Variants in HECW2 observed in about 807,000 individuals in gnomAD.
The protein encoded by HECW2 is E3 ubiquitin-protein ligase HECW2.
Under a neutral mutation model 175.2 loss-of-function variants are expected in HECW2, and 61 were observed. The observed-to-expected ratio is 0.35, with a 90% CI of 0.28 to 0.43. The LOEUF is 0.43. HECW2 is among the 20% of genes least tolerant of loss of function. The pLI is 1.00. For missense variants in HECW2, 1,524 were observed against 2,000.5 expected, an observed-to-expected ratio of 0.76 and a Z score of 4.54; for synonymous variants, 671 against 731.0, an observed-to-expected ratio of 0.92 and a Z score of 1.32.
At position 196,195,091 on chromosome 2, in the gene HECW2, TACTTATG is replaced by T. The variant is rs1686643044; in HGVS notation, c.*6179_*6185del. 6.6e-6 allele frequency: 1 copy of T among 152,244 alleles called. No homozygotes were observed. 9.4% of individuals were successfully genotyped at this position (152,244 alleles called of 1,614,324 possible). On this transcript the variant is annotated 3_prime_UTR_variant, in exon 29 of 29. Coordinates refer to ENST00000644978, the MANE Select transcript of HECW2 (RefSeq NM_001348768.2). ...CCAACATATTAACAGCCCCAAATTTTACTTATGCTATCATATAAAGAAAAATAGGTTG... is the reference window on the plus strand; with the variant it reads ...CCAACATATTAACAGCCCCAAATTTTCTATCATATAAAGAAAAATAGGTTG...
chr2:196,507,079 T>C (rs77868574), intron 1 of HECW2, among the ~76,000 whole-genome samples: 3,875 of 152,272 alleles, frequency 0.025, 92 homozygotes, highest in Non-Finnish European at 0.036. Flanking sequence ...TGGCTCAACA[T>C]TGGAAAATCT....
At chr2:196,306,702 C>T (rs1691278996) in intron 12 of HECW2, 90 bp from the exon 13 acceptor site, 1 of 1,261,946 alleles carries the variant, frequency 7.9e-7, no homozygotes. Flanking sequence ...TCAAAAGAAT[C>T]ATAGGATACC....
At chr2:196,366,650 A>G (rs927665525) in intron 2 of HECW2, among the ~76,000 whole-genome samples, 1 of 152,136 alleles carries the variant, frequency 6.6e-6, no homozygotes, top group African/African-American at 2.4e-5. Flanking sequence ...AGGATGTAGT[A>G]TTTTTCCTCA....
At chr2:196,429,241 G>GC (rs1157299644) in intron 2 of HECW2, among the ~76,000 whole-genome samples, 2 of 81,684 alleles carry the variant, frequency 2.4e-5, no homozygotes, top group Non-Finnish European at 5.2e-5. Flanking sequence ...TCCTGAGCCT[G>GC]GGGGGGGCCT....
chr2:196,232,672 T>C (rs1278100836), intron 21 of HECW2, among the ~76,000 whole-genome samples: 1 of 152,228 alleles, frequency 6.6e-6, no homozygotes, highest in Non-Finnish European at 1.5e-5. Flanking sequence ...AAGTTTAACA[T>C]GTAATATCTT....
chr2:196,529,647 T>A (rs1362324582), intron 1 of HECW2, among the ~76,000 whole-genome samples: 1 of 152,200 alleles, frequency 6.6e-6, no homozygotes, highest in Non-Finnish European at 1.5e-5. Context: ...ATACTCTCCT[T>A]CCCTTTTTGA....
Position 196,224,900 on chromosome 2 carries a change from A to T in HECW2, c.4016+872T>A, listed in dbSNP as rs575584788. 2.0e-5 allele frequency among the ~76,000 whole-genome samples: 3 copies of T among 152,342 alleles called. No individual in the cohort carries two copies. The East Asian group carries it at 5.8e-4, about 29-fold the overall frequency. On this transcript the variant is annotated intron_variant, in intron 23 of 28. Coordinates refer to ENST00000644978, the MANE Select transcript of HECW2 (RefSeq NM_001348768.2). ...CAGTGCTACAGCTGTGAAGACACTG[A>T]AAGAGAAGAAGGCAAAAGTCTTTCT... is the stretch of plus-strand genomic sequence containing the variant.
intron 13 of HECW2, among the ~76,000 whole-genome samples, chr2:196,301,342 G>A (rs1261792605): frequency 6.6e-6 from 1 of 152,096 alleles, no homozygotes; most frequent in Non-Finnish European, 1.5e-5. Flanking sequence ...GAACATACAT[G>A]TTCACGTATC....
intron 21 of HECW2, 128 bp downstream of exon 21, chr2:196,240,321 T>G: frequency 1.8e-6 from 1 of 554,658 alleles, no homozygotes; most frequent in Non-Finnish European, 3.1e-6. Flanking sequence ...GCCCAAAGGT[T>G]TAAGTGTATG....
intron 21 of HECW2, among the ~76,000 whole-genome samples, chr2:196,230,646 CTT>C (rs1011409746): frequency 1.3e-5 from 2 of 152,186 alleles, no homozygotes; most frequent in Non-Finnish European, 2.9e-5. Context: ...CTCCTCGACA[CTT>C]TTCTCCGGCG....
At chr2:196,386,784 T>C (rs1327218240) in intron 2 of HECW2, among the ~76,000 whole-genome samples, 1 of 152,124 alleles carries the variant, frequency 6.6e-6, no homozygotes, top group Non-Finnish European at 1.5e-5. Context: ...TAACTGCCAA[T>C]AGTGCTAAAC....
In HECW2 at chr2:196,225,799, C is replaced by T. The variant is rs1553633403; in HGVS notation, c.3989G>A (p.Arg1330Gln). Residue 1330 changes from arginine to glutamine, a missense_variant, in exon 23 of 29, where the codon CGG (arginine) becomes CAG (glutamine). Around this residue, in one of 11 missense-constraint regions of HECW2, gnomAD observed 1 missense variants for 21.6 expected, o/e 0.05. Transcript: ENST00000644978. ...HQYLLDAFFT[R>Q]PFYKALLRIL... Reference sequence around the variant, plus strand: ...TCTGAGAAGAGCCTTATAAAAGGGCCGTGTGAAGAAGGCATCCAACAAATA... The same window carrying T: ...TCTGAGAAGAGCCTTATAAAAGGGCTGTGTGAAGAAGGCATCCAACAAATA... 5 of 1,609,452 alleles carry T rather than the reference C, an allele frequency of 3.1e-6. No homozygotes were observed. Among genetic ancestry groups the T allele is most frequent in the Non-Finnish European group, 4.3e-6 (5 of 1,175,982 alleles).
chr2:196,277,139 T>G (rs1313225918), intron 15 of HECW2, among the ~76,000 whole-genome samples: 1 of 152,236 alleles, frequency 6.6e-6, no homozygotes, highest in Non-Finnish European at 1.5e-5. Flanking sequence ...AAGACATTTC[T>G]TTTATATATT....
intron 2 of HECW2, among the ~76,000 whole-genome samples, chr2:196,431,681 A>G (rs1695717577): frequency 6.6e-6 from 1 of 152,228 alleles, no homozygotes; most frequent in African/African-American, 2.4e-5. Flanking sequence ...TGTGAACATA[A>G]TGATACAAAT....
chr2:196,250,945 C>T (rs1342537815), intron 19 of HECW2, among the ~76,000 whole-genome samples: 1 of 152,186 alleles, frequency 6.6e-6, no homozygotes, highest in Non-Finnish European at 1.5e-5. Context: ...GGTTTATAAC[C>T]TATTACTTCA....
In HECW2 at chr2:196,530,751, G is replaced by T. The variant is rs918125865; in HGVS notation, c.-36+62757C>A. 2.0e-5 allele frequency among the ~76,000 whole-genome samples: 3 copies of T among 152,180 alleles called. No individual in the cohort carries two copies. The East Asian group carries it at 5.8e-4, about 29-fold the overall frequency. Reference sequence around the variant, plus strand: ...CTGGCATTGCAAGGACCCTATGGAGGTATCCACTCTCCACAAGCCACTATA... The same window carrying T: ...CTGGCATTGCAAGGACCCTATGGAGTTATCCACTCTCCACAAGCCACTATA... On this transcript the variant is annotated intron_variant, in intron 1 of 28. Coordinates refer to ENST00000644978, the MANE Select transcript of HECW2 (RefSeq NM_001348768.2).
intron 28 of HECW2, among the ~76,000 whole-genome samples, chr2:196,201,864 G>A (rs1197741210): frequency 6.6e-6 from 1 of 152,128 alleles, no homozygotes; most frequent in Non-Finnish European, 1.5e-5. Context: ...CAGTGTCTCT[G>A]AGGGCCTGCC....
At chr2:196,369,606 A>G (rs1693851241) in intron 2 of HECW2, among the ~76,000 whole-genome samples, 1 of 152,054 alleles carries the variant, frequency 6.6e-6, no homozygotes, top group African/African-American at 2.4e-5. Flanking sequence ...CTTTCCCTTC[A>G]GGGCAGCAAA....
chr2:196,410,006 T>C (rs542960136), intron 2 of HECW2, among the ~76,000 whole-genome samples: 2 of 152,316 alleles, frequency 1.3e-5, no homozygotes, highest in Admixed American at 6.5e-5. Context: ...GATTGGTATA[T>C]GGGCAATGAA....
Sources: allele counts gnomAD v4.1 joint callset (sites outside exome capture counted in the v4.1 genomes callset), GRCh38; gene constraint gnomAD v4.1.1; regional missense constraint gnomAD v4.1.1; transcripts MANE v1.5; gene names NCBI Gene and HGNC (gene_info 2026-07-23, HGNC 2026-07-21).